Variants in DOCK9 observed in about 807,000 individuals in gnomAD.
DOCK9 encodes dedicator of cytokinesis 9.
Under a neutral mutation model 263.3 loss-of-function variants are expected in DOCK9, and 89 were observed. That is an observed-to-expected ratio of 0.34 (90% CI 0.28 to 0.40). The LOEUF (loss-of-function observed/expected upper bound fraction) is 0.40. DOCK9 is among the 10% of genes least tolerant of loss of function. The pLI is 1.00. For synonymous variants in DOCK9, 976 were observed against 973.1 expected (o/e 1.00, Z -0.06); for missense variants, 2,140 against 2,603.4 (o/e 0.82, Z 3.87).
chr13:98,835,733 CTTTTTTTTTT>C (rs142745340), intron 39 of DOCK9, among the ~76,000 whole-genome samples: 23 of 79,406 alleles, frequency 2.9e-4, no homozygotes, highest in African/African-American at 1.3e-3. Context: ...CTTTACAACT[CTTTTTTTTTT>C]TTTTTTTTTT....
intron 18 of DOCK9, 27 bp downstream of exon 18, chr13:98,888,131 G>A (rs373117692): frequency 1.3e-6 from 2 of 1,501,044 alleles, no homozygotes; most frequent in East Asian, 2.3e-5. Flanking sequence ...GAATTCGTAG[G>A]TGAACATATA....
intron 2 of DOCK9, among the ~76,000 whole-genome samples, chr13:98,953,521 T>A (rs1281591852): frequency 6.6e-6 from 1 of 152,224 alleles, no homozygotes; most frequent in African/African-American, 2.4e-5. Flanking sequence ...TTTATCTCAG[T>A]CATACAAATA....
intron 1 of DOCK9, among the ~76,000 whole-genome samples, chr13:99,035,968 T>C (rs1887828808): frequency 6.6e-6 from 1 of 152,138 alleles, no homozygotes; most frequent in Admixed American, 6.5e-5. Context: ...GACAACAGAC[T>C]CACTTTGAAC....
intron 45 of DOCK9, among the ~76,000 whole-genome samples, 153 bp from the exon 46 acceptor site, chr13:98,810,444 T>G (rs1453420123): frequency 6.6e-6 from 1 of 152,192 alleles, no homozygotes; most frequent in South Asian, 2.1e-4. Flanking sequence ...TACAACAACA[T>G]TCTTTTTTAG....
chr13:98,825,051 C>T lies in DOCK9; in HGVS notation c.5024-547G>A, dbSNP rs1185675318. 2.0e-5 allele frequency among the ~76,000 whole-genome samples: 3 copies of T among 152,184 alleles called. No individual in the cohort carries two copies. Among genetic ancestry groups the T allele is most frequent in the African/African-American group, 4.8e-5 (2 of 41,444 alleles). ...GACAGGCTGCCTTAGCTGGTTCCCA[C>T]CCCAGAGGCCCCGGGGTGGGTGGCT... On this transcript the variant is annotated intron_variant, in intron 44 of 52. Transcript: ENST00000682017. This position sits in a 1 kb window ranked among gnomAD's most constrained non-coding sequence, Gnocchi z 4.1.
chr13:98,891,394 C>A (rs1049158978), intron 15 of DOCK9, among the ~76,000 whole-genome samples: 13 of 152,186 alleles, frequency 8.5e-5, no homozygotes, highest in African/African-American at 2.9e-4. Context: ...GAAGTTGTAT[C>A]TGCTTTGAGT....
intron 45 of DOCK9, among the ~76,000 whole-genome samples, chr13:98,811,734 C>A (rs1351649530): frequency 6.6e-6 from 1 of 152,160 alleles, no homozygotes; most frequent in African/African-American, 2.4e-5. Flanking sequence ...TTAACAGTGT[C>A]TTTTAAAGAG....
intron 27 of DOCK9, among the ~76,000 whole-genome samples, chr13:98,871,516 T>G (rs1184530163): frequency 1.3e-5 from 2 of 152,186 alleles, no homozygotes; most frequent in Non-Finnish European, 2.9e-5. Context: ...CAAACTAAAG[T>G]CTTTTTACGA....
intron 47 of DOCK9, 47 bp downstream of exon 47, chr13:98,809,305 T>A: frequency 6.6e-7 from 1 of 1,509,572 alleles, no homozygotes; most frequent in Non-Finnish European, 9.0e-7. Flanking sequence ...GTTTTTGTTT[T>A]TTTTTAAAGG....
intron 1 of DOCK9, among the ~76,000 whole-genome samples, chr13:99,017,740 G>A (rs570003959): frequency 6.6e-6 from 1 of 152,050 alleles, no homozygotes; most frequent in South Asian, 2.1e-4. Flanking sequence ...TAGCTGATGA[G>A]CTTTAAAAAA....
At chr13:98,923,458 C>G (rs2052411450) in intron 4 of DOCK9, 87 bp from the exon 5 acceptor site, 15 of 1,092,924 alleles carry the variant, frequency 1.4e-5, no homozygotes, top group Non-Finnish European at 1.8e-5. Context: ...AGGGCCCGGC[C>G]TTTACTAAAT....
chr13:98,870,692 G>A (rs1359396932), intron 27 of DOCK9, among the ~76,000 whole-genome samples: 2 of 152,092 alleles, frequency 1.3e-5, no homozygotes, highest in East Asian at 1.9e-4. Context: ...CTCCTGATGT[G>A]ATGCAATAGT....
intron 2 of DOCK9, among the ~76,000 whole-genome samples, chr13:98,939,103 G>A (rs946848244): frequency 1.3e-5 from 2 of 152,238 alleles, no homozygotes; most frequent in Non-Finnish European, 2.9e-5. Flanking sequence ...GGTAGTTCTC[G>A]AGAGCCAACC....
chr13:98,835,733 C>CTTT (rs142745340), intron 39 of DOCK9, among the ~76,000 whole-genome samples: 14 of 79,406 alleles, frequency 1.8e-4, no homozygotes, highest in South Asian at 1.1e-3. Flanking sequence ...CTTTACAACT[C>CTTT]TTTTTTTTTT....
intron 38 of DOCK9, among the ~76,000 whole-genome samples, chr13:98,844,366 T>A (rs534603602): frequency 3.3e-4 from 46 of 138,946 alleles, no homozygotes; most frequent in African/African-American, 1.1e-3. Context: ...TTTTTTATTT[T>A]TTTTATTTTT....
chr13:98,977,728 CAAT>C, intron 1 of DOCK9, 53 bp downstream of exon 1: 1 of 1,577,844 alleles, frequency 6.3e-7, no homozygotes, highest in South Asian at 1.2e-5. Flanking sequence ...TCCACACGCA[CAAT>C]AAGAACCCAG....
intron 1 of DOCK9, among the ~76,000 whole-genome samples, chr13:99,071,416 G>A (rs562685483): frequency 1.3e-5 from 2 of 150,438 alleles, no homozygotes; most frequent in Admixed American, 1.3e-4. Flanking sequence ...AATTACAGGC[G>A]TGAGTCACTG....
At chr13:98,922,530 C>G (rs2052217624) in intron 5 of DOCK9, among the ~76,000 whole-genome samples, 1 of 151,520 alleles carries the variant, frequency 6.6e-6, no homozygotes, top group Non-Finnish European at 1.5e-5. Flanking sequence ...AGGACAAAAG[C>G]ACATGCACAT....
exon 1 of DOCK9, chr13:99,086,431 G>T: frequency 1.1e-6 from 1 of 892,236 alleles, no homozygotes; most frequent in Non-Finnish European, 1.3e-6. Context: ...CGCCCTCGGC[G>T]CCCGGCCCGC....
Sources: allele counts gnomAD v4.1 joint callset (sites outside exome capture counted in the v4.1 genomes callset), GRCh38; gene constraint gnomAD v4.1.1; non-coding constraint Gnocchi (gnomAD v3.1); transcripts MANE v1.5; gene names NCBI Gene and HGNC (gene_info 2026-07-23, HGNC 2026-07-21).